The following PDE1C variants were observed in gnomAD, a reference collection of about 807,000 sequenced individuals.
PDE1C encodes dual specificity calcium/calmodulin-dependent 3',5'-cyclic nucleotide phosphodiesterase 1C.
A neutral mutation model predicts 93.1 loss-of-function variants in PDE1C; 62 were observed. The ratio of observed to expected loss-of-function variants is 0.67; its 90% CI spans 0.54 to 0.82. The LOEUF is 0.82. Among genes scored for constraint, PDE1C ranks in the 40% least tolerant of loss-of-function variants. The pLI is 0.00. For synonymous variants in PDE1C, 325 were observed against 310.1 expected (o/e 1.05, Z -0.50); for missense variants, 742 against 884.6 (o/e 0.84, Z 2.04).
Position 31,925,124 on chromosome 7 carries a change from G to C in PDE1C, c.129-44264C>G, listed in dbSNP as rs77933811. 2.5e-3 allele frequency among the ~76,000 whole-genome samples: 373 copies of C among 151,620 alleles called. 3 individuals are homozygous for C. The highest frequency in any genetic ancestry group is 8.5e-3 in the African/African-American group (350 of 41,326). On this transcript the variant is annotated intron_variant, in intron 2 of 17. Transcript: ENST00000396191. ...ATGAGTGTGTGTGAGAGAGAGATGA[G>C]AGAGACAGATTCATCACTATCAAGA...
At chr7:32,231,934 G>T (rs1276963127) in intron 1 of PDE1C, among the ~76,000 whole-genome samples, 1 of 149,188 alleles carries the variant, frequency 6.7e-6, no homozygotes, top group East Asian at 2.0e-4. Context: ...AACCAATCGT[G>T]ATTAAAACAA....
At chr7:32,208,357 T>G (rs190870842) in intron 2 of PDE1C, among the ~76,000 whole-genome samples, 63 of 152,210 alleles carry the variant, frequency 4.1e-4, no homozygotes, top group Non-Finnish European at 8.8e-5. Flanking sequence ...GACTAGGGAT[T>G]TATAGAGTTC....
At chr7:31,618,706 G>C in the PDE1C span, among the ~76,000 whole-genome samples, 1 of 152,172 alleles carries the variant, frequency 6.6e-6, no homozygotes. Context: ...TAGCTTATGA[G>C]TGAGGAAACC....
intron 1 of PDE1C, among the ~76,000 whole-genome samples, chr7:32,294,136 C>A (rs1812497847): frequency 6.6e-6 from 1 of 152,106 alleles, no homozygotes; most frequent in South Asian, 2.1e-4. Context: ...TTCAGCTTAG[C>A]CTCCGTCCCC....
intron 2 of PDE1C, among the ~76,000 whole-genome samples, chr7:31,964,075 G>C (rs542188477): frequency 1.3e-5 from 2 of 152,346 alleles, no homozygotes; most frequent in East Asian, 3.9e-4. Context: ...CTGAGGTAGC[G>C]GGTTCATCTC....
At chr7:32,273,002 G>A (rs1199849579) in intron 1 of PDE1C, among the ~76,000 whole-genome samples, 2 of 152,192 alleles carry the variant, frequency 1.3e-5, no homozygotes, top group East Asian at 3.9e-4. Context: ...TACGGGGTAT[G>A]GAATAATTAT....
intron 1 of PDE1C, among the ~76,000 whole-genome samples, chr7:32,305,769 G>A (rs1812984486): frequency 6.6e-6 from 1 of 152,248 alleles, no homozygotes; most frequent in Admixed American, 6.5e-5. Context: ...AGCCCATATG[G>A]CACCTCTGTG....
At chr7:32,243,566 C>G (rs1808694557) in intron 1 of PDE1C, among the ~76,000 whole-genome samples, 1 of 152,086 alleles carries the variant, frequency 6.6e-6, no homozygotes. Flanking sequence ...TCACACAGAC[C>G]TGGAGAAAAG....
At chr7:31,796,146 T>A (rs959193977) in intron 16 of PDE1C, among the ~76,000 whole-genome samples, 1 of 150,276 alleles carries the variant, frequency 6.7e-6, no homozygotes. Flanking sequence ...TGATTTAAGA[T>A]GTATGTAATA....
Position 31,886,527 on chromosome 7 carries a change from T to C in PDE1C, c.129-5667A>G, listed in dbSNP as rs1344688747. Among the ~76,000 whole-genome samples the C allele has an allele frequency of 2.0e-5, 3 of 152,100 alleles. No homozygotes were observed. In the East Asian group the frequency reaches 5.8e-4, roughly 29 times the overall value. On this transcript the variant is annotated intron_variant, in intron 2 of 17. Transcript: ENST00000396191. ...AAGTGGGGAAATGCAGTGCCTTCTC[T>C]CAGGTAGGGAAGACAGAAAGCTAAC...
Position 32,194,000 on chromosome 7 carries a change from C to T in PDE1C, c.136+15489G>A, listed in dbSNP as rs181235752. Among the ~76,000 whole-genome samples, 242 of 151,096 alleles carry T rather than the reference C, an allele frequency of 1.6e-3. 2 individuals carry two copies. Among genetic ancestry groups the T allele is most frequent in the African/African-American group, 5.5e-3 (225 of 41,198 alleles). On this transcript the variant is annotated intron_variant, in intron 2 of 18. Coordinates refer to the PDE1C transcript ENST00000396193. Reference sequence around the variant, plus strand: ...CACAATCTCCGCTCACTCCAAGCTCCACCTCCCAGGTTCACGCCATACTCC... The same window carrying T: ...CACAATCTCCGCTCACTCCAAGCTCTACCTCCCAGGTTCACGCCATACTCC...
chr7:31,650,646 G>T, the PDE1C span, among the ~76,000 whole-genome samples: 2 of 152,176 alleles, frequency 1.3e-5, no homozygotes, highest in Non-Finnish European at 2.9e-5. Context: ...CTCCAGGACT[G>T]TGACTAAGCA....
At chr7:32,195,420 A>T (rs1258292947) in intron 2 of PDE1C, among the ~76,000 whole-genome samples, 1 of 152,154 alleles carries the variant, frequency 6.6e-6, no homozygotes, top group Non-Finnish European at 1.5e-5. Flanking sequence ...TGACAGTTCT[A>T]CCCTTTTAGC....
chr7:31,943,324 G>A lies in PDE1C; in HGVS notation c.129-62464C>T, dbSNP rs113041034. 9.1e-3 allele frequency among the ~76,000 whole-genome samples: 1,389 copies of A among 152,304 alleles called. 19 individuals carry two copies. Among genetic ancestry groups the A allele is most frequent in the African/African-American group, 0.031 (1,307 of 41,576 alleles). On this transcript the variant is annotated intron_variant, in intron 2 of 17. Coordinates refer to ENST00000396191, the MANE Select transcript of PDE1C (RefSeq NM_001191057.4). ...GCCCAGGGAGGCTCAGAACACATGA[G>A]ATTGGCCCTTGTCCTGCAGTCACTG...
chr7:31,896,584 A>G (rs539881496), intron 2 of PDE1C, among the ~76,000 whole-genome samples: 1 of 152,350 alleles, frequency 6.6e-6, no homozygotes, highest in African/African-American at 2.4e-5. Flanking sequence ...AGAATAGGAA[A>G]AAAAGACAGA....
intron 7 of PDE1C, among the ~76,000 whole-genome samples, chr7:31,859,656 G>T (rs1794444022): frequency 1.3e-5 from 2 of 151,866 alleles, no homozygotes; most frequent in South Asian, 4.2e-4. Flanking sequence ...TCCATAAGAT[G>T]ATCCCACTAC....
intron 2 of PDE1C, among the ~76,000 whole-genome samples, chr7:31,902,737 T>C (rs913100108): frequency 2.0e-5 from 3 of 151,558 alleles, no homozygotes; most frequent in Non-Finnish European, 3.0e-5. Flanking sequence ...TCAATTTTTA[T>C]AGCTATCATT....
chr7:32,257,249 A>G (rs1809868117), intron 1 of PDE1C, among the ~76,000 whole-genome samples: 1 of 152,180 alleles, frequency 6.6e-6, no homozygotes, highest in Admixed American at 6.6e-5. Context: ...AGAAAGGGGA[A>G]TGGCAACTTC....
At chr7:32,179,665 G>C (rs945015277) in intron 2 of PDE1C, among the ~76,000 whole-genome samples, 2 of 152,166 alleles carry the variant, frequency 1.3e-5, no homozygotes, top group Non-Finnish European at 2.9e-5. Context: ...GCAAGAAAAT[G>C]AGATAAGAAG....
Sources: gnomAD v4.1 joint callset for allele counts (sites outside exome capture counted in the v4.1 genomes callset) on GRCh38, gnomAD v4.1.1 for gene constraint, MANE v1.5 for transcripts, NCBI Gene and HGNC (gene_info 2026-07-23, HGNC 2026-07-21) for gene names.